Variants in MACROD2 observed in about 807,000 individuals in gnomAD.
The protein encoded by MACROD2 is mono-ADP ribosylhydrolase 2, also known as ADP-ribose glycohydrolase MACROD2.
Under a neutral mutation model 70.4 loss-of-function variants are expected in MACROD2, and 36 were observed. The observed-to-expected ratio is 0.51, with a 90% confidence interval of 0.39 to 0.68. The LOEUF is 0.68. MACROD2 is among the 30% of genes least tolerant of loss of function. The pLI, the probability that MACROD2 is intolerant of heterozygous loss-of-function variation, is 0.00. For synonymous variants in MACROD2, 172 were observed against 178.8 expected (o/e 0.96, Z 0.30); for missense variants, 496 against 538.4 (o/e 0.92, Z 0.78).
chr20:15,119,741 A>G (rs2076017364), intron 5 of MACROD2, among the ~76,000 whole-genome samples: 1 of 152,256 alleles, frequency 6.6e-6, no homozygotes, highest in African/African-American at 2.4e-5. Flanking sequence ...TCAGACAATG[A>G]CACAGAGCCC....
chr20:15,744,940 T>G (rs919041888), intron 8 of MACROD2, among the ~76,000 whole-genome samples: 1 of 152,178 alleles, frequency 6.6e-6, no homozygotes, highest in African/African-American at 2.4e-5. Flanking sequence ...AAGTGTACAT[T>G]TTTTTATGTT....
intron 3 of MACROD2, among the ~76,000 whole-genome samples, chr20:14,347,426 G>A (rs1461672080): frequency 6.6e-6 from 1 of 152,132 alleles, no homozygotes; most frequent in Non-Finnish European, 1.5e-5. Flanking sequence ...TCGATGTAAT[G>A]AGACTAGTAT....
chr20:14,775,838 G>C (rs2072227010), intron 5 of MACROD2, among the ~76,000 whole-genome samples: 1 of 151,782 alleles, frequency 6.6e-6, no homozygotes, highest in African/African-American at 2.4e-5. Context: ...ATAAAGAAAA[G>C]AGCAAATTTT....
chr20:14,689,606 G>A (rs1301785330), intron 5 of MACROD2, among the ~76,000 whole-genome samples: 3 of 152,118 alleles, frequency 2.0e-5, no homozygotes, highest in African/African-American at 7.2e-5. Context: ...TCTATGCATG[G>A]GGTCTGTATC....
chr20:14,662,654 C>A (rs757871994), intron 4 of MACROD2, among the ~76,000 whole-genome samples: 3 of 151,398 alleles, frequency 2.0e-5, no homozygotes, highest in Admixed American at 6.6e-5. Context: ...GAAAAACAAC[C>A]CCATTACAAA....
At chr20:14,879,064 C>G (rs1258032716) in intron 5 of MACROD2, among the ~76,000 whole-genome samples, 1 of 152,122 alleles carries the variant, frequency 6.6e-6, no homozygotes, top group African/African-American at 2.4e-5. Context: ...TTTCACCTTA[C>G]TCATCTCTGT....
intron 5 of MACROD2, among the ~76,000 whole-genome samples, chr20:14,772,294 T>A (rs1394267103): frequency 2.0e-5 from 3 of 152,046 alleles, no homozygotes; most frequent in Admixed American, 6.6e-5. Flanking sequence ...ATACTAATAA[T>A]ATAGATGAAG....
At chr20:14,484,489 A>G (rs1600289081) in intron 3 of MACROD2, among the ~76,000 whole-genome samples, 1 of 152,136 alleles carries the variant, frequency 6.6e-6, no homozygotes, top group African/African-American at 2.4e-5. Flanking sequence ...CTAAATTATT[A>G]TTTACTATAG....
intron 5 of MACROD2, among the ~76,000 whole-genome samples, chr20:15,165,557 T>G (rs2076378037): frequency 6.6e-6 from 1 of 152,244 alleles, no homozygotes; most frequent in African/African-American, 2.4e-5. Flanking sequence ...GACTTAGAAT[T>G]ATTGTATCTG....
intron 15 of MACROD2, among the ~76,000 whole-genome samples, chr20:15,999,699 T>C (rs924087301): frequency 1.3e-5 from 2 of 152,384 alleles, no homozygotes; most frequent in East Asian, 3.9e-4. Flanking sequence ...TCTTGATAAA[T>C]TGATTCCTTT....
chr20:14,742,502 AG>A (rs1246916657), intron 5 of MACROD2, among the ~76,000 whole-genome samples: 3 of 152,066 alleles, frequency 2.0e-5, no homozygotes, highest in Non-Finnish European at 2.9e-5. Context: ...GACAGAGAAT[AG>A]TACTTAATAT....
intron 5 of MACROD2, among the ~76,000 whole-genome samples, chr20:15,032,121 C>T (rs988761081): frequency 3.3e-5 from 5 of 152,188 alleles, no homozygotes; most frequent in African/African-American, 1.2e-4. Context: ...GCTCTGAAAT[C>T]AGAGTGGGCA....
At chr20:14,337,550 T>C (rs1420363718) in intron 3 of MACROD2, 3 of 398,528 alleles carry the variant, frequency 7.5e-6, no homozygotes, top group Admixed American at 4.4e-5. Context: ...GCTGAGCTTG[T>C]CCTGCTTCAG....
chr20:15,382,698 G>A (rs890226940), intron 6 of MACROD2, among the ~76,000 whole-genome samples: 1 of 151,862 alleles, frequency 6.6e-6, no homozygotes, highest in African/African-American at 2.4e-5. Flanking sequence ...AGAAATGGGT[G>A]GATCTGAAGA....
intron 6 of MACROD2, among the ~76,000 whole-genome samples, chr20:15,375,622 T>G (rs2045551625): frequency 6.6e-6 from 1 of 152,202 alleles, no homozygotes. Context: ...AACTAGAAGT[T>G]GATCAGAGTT....
chr20:15,875,560 T>A (rs944729979), intron 9 of MACROD2, among the ~76,000 whole-genome samples: 1 of 151,984 alleles, frequency 6.6e-6, no homozygotes, highest in Admixed American at 6.6e-5. Flanking sequence ...CAAACACATT[T>A]TGCCTTCAAT....
At chr20:14,904,897 A>G (rs1474987048) in intron 5 of MACROD2, 1 of 152,180 alleles carries the variant, frequency 6.6e-6, no homozygotes, top group Non-Finnish European at 1.5e-5. Context: ...ACACAAACCG[A>G]TGGTGCAGAT....
At chr20:14,665,748 C>T (rs1181513448) in intron 4 of MACROD2, among the ~76,000 whole-genome samples, 2 of 151,938 alleles carry the variant, frequency 1.3e-5, no homozygotes, top group Non-Finnish European at 2.9e-5. Context: ...TATATCCATC[C>T]TTTAGATTTC....
chr20:15,476,247 C>T (rs762859417), intron 7 of MACROD2, among the ~76,000 whole-genome samples: 13 of 152,050 alleles, frequency 8.5e-5, no homozygotes, highest in Non-Finnish European at 1.8e-4. Flanking sequence ...GCCTTATTAC[C>T]CCTTAAAATT....
Sources: gnomAD v4.1 joint callset for allele counts (sites outside exome capture counted in the v4.1 genomes callset) on GRCh38, gnomAD v4.1.1 for gene constraint, MANE v1.5 for transcripts, NCBI Gene and HGNC (gene_info 2026-07-23, HGNC 2026-07-21) for gene names.